Variants in TNS3 observed in about 807,000 individuals in gnomAD.
TNS3 encodes tensin 3.
Under a neutral mutation model 140.9 loss-of-function variants are expected in TNS3, and 45 were observed. That is an observed-to-expected ratio of 0.32 (90% CI 0.25 to 0.41). The LOEUF (loss-of-function observed/expected upper bound fraction) is 0.41, where lower values mean the gene tolerates loss of function less well. Among genes scored for constraint, TNS3 ranks in the 10% least tolerant of loss-of-function variants. TNS3 has a pLI of 1.00. For missense variants in TNS3, 1,716 were observed against 1,906.7 expected (o/e 0.90, Z 1.86); for synonymous variants, 815 against 788.4 (o/e 1.03, Z -0.56).
rs547064609 is a variant in TNS3, at chr7:47,308,277, T to C, written c.2651-3274A>G. Among the ~76,000 whole-genome samples, 13 of 152,344 alleles carry C rather than the reference T, an allele frequency of 8.5e-5. 1 individual carries two copies. The South Asian group carries it at 2.7e-3, about 32-fold the overall frequency. ...AAATGTTAAATCCATCTAGGTTATT[T>C]TTCATTTCAGACACTGGAGTTTCTC... On this transcript the variant is annotated intron_variant, in intron 20 of 30. Transcript: ENST00000311160.
At chr7:47,397,520 T>C (rs1406422629) in intron 15 of TNS3, among the ~76,000 whole-genome samples, 1 of 152,210 alleles carries the variant, frequency 6.6e-6, no homozygotes, top group African/African-American at 2.4e-5. Context: ...GGGAAAAAAA[T>C]TGTTTCGCAC....
intron 28 of TNS3, among the ~76,000 whole-genome samples, chr7:47,282,905 G>A (rs1785222053): frequency 6.6e-6 from 1 of 152,130 alleles, no homozygotes; most frequent in African/African-American, 2.4e-5. Flanking sequence ...CTAGGGACAT[G>A]GGCACCACAG....
At chr7:47,284,827 C>A (rs967961380) in intron 27 of TNS3, among the ~76,000 whole-genome samples, 4 of 152,258 alleles carry the variant, frequency 2.6e-5, no homozygotes, top group Admixed American at 6.5e-5. Context: ...CAGTCTACAG[C>A]AACACATCTC....
intron 17 of TNS3, among the ~76,000 whole-genome samples, chr7:47,357,676 C>T (rs963917757): frequency 6.6e-6 from 1 of 152,076 alleles, no homozygotes; most frequent in Non-Finnish European, 1.5e-5. Flanking sequence ...CCAGGCCCAC[C>T]CTCCCTCAGT....
chr7:47,303,963 C>T (rs1239575372), intron 21 of TNS3, among the ~76,000 whole-genome samples: 2 of 152,226 alleles, frequency 1.3e-5, no homozygotes, highest in Admixed American at 1.3e-4. Context: ...GAAGCCTTTT[C>T]CTAGCCCTTA....
chr7:47,370,606 C>T (rs1019762230), intron 16 of TNS3, among the ~76,000 whole-genome samples: 13 of 152,256 alleles, frequency 8.5e-5, no homozygotes, highest in Non-Finnish European at 1.8e-4. Context: ...TGGCCAATTG[C>T]CGCGACCACA....
Position 47,360,877 on chromosome 7 carries a change from G to A in TNS3, c.2281+7488C>T, listed in dbSNP as rs537850577. ...TTATAACACACAGTACGGAAATAAC[G>A]ACACCTGGACTTTTAGAAAGTACCA... is the stretch of plus-strand genomic sequence containing the variant. On this transcript the variant is annotated intron_variant, in intron 17 of 30. Transcript: ENST00000311160. Among the ~76,000 whole-genome samples, 5 of 152,162 alleles carry A rather than the reference G, an allele frequency of 3.3e-5. No individual in the cohort carries two copies. In the East Asian group the frequency reaches 9.7e-4, roughly 29 times the overall value.
chr7:47,316,067 A>G (rs1787375464), intron 20 of TNS3, among the ~76,000 whole-genome samples: 1 of 150,302 alleles, frequency 6.7e-6, no homozygotes, highest in Non-Finnish European at 1.5e-5. Context: ...TTCAGAAGTA[A>G]GTGAGACTAT....
At chr7:47,331,875 T>C (rs188487917) in intron 20 of TNS3, among the ~76,000 whole-genome samples, 370 of 152,376 alleles carry the variant, frequency 2.4e-3, no homozygotes, top group Middle Eastern at 6.8e-3. Flanking sequence ...AGGTGGTTCC[T>C]GGCCTAAGTA....
At chr7:47,504,524 T>A (rs1221624611) in intron 3 of TNS3, among the ~76,000 whole-genome samples, 1 of 152,224 alleles carries the variant, frequency 6.6e-6, no homozygotes, top group East Asian at 1.9e-4. Flanking sequence ...TTGGGTCTGA[T>A]GCCAGACCAA....
At chr7:47,392,667 G>A (rs558318389) in intron 16 of TNS3, among the ~76,000 whole-genome samples, 7 of 152,358 alleles carry the variant, frequency 4.6e-5, no homozygotes, top group Admixed American at 1.3e-4. Flanking sequence ...GCCAGGCGGC[G>A]TCCAGTCCAG....
intron 8 of TNS3, among the ~76,000 whole-genome samples, chr7:47,434,086 A>G (rs531521152): frequency 1.0e-3 from 157 of 152,262 alleles, no homozygotes; most frequent in African/African-American, 3.7e-3. Flanking sequence ...AACACTAGAG[A>G]GAAGCAAATA....
In TNS3 at chr7:47,424,042, A is replaced by G. The variant is rs1794516886; in HGVS notation, c.473+59T>C. On this transcript the variant is annotated intron_variant, in intron 10 of 30. Coordinates refer to ENST00000311160, the MANE Select transcript of TNS3 (RefSeq NM_022748.12). The stretch of plus-strand genomic sequence containing the variant: ...GAGGAGATGCCTCTTCTGTTTTCAC[A>G]TTTTTATATGTAAAATTTCATTCAC... 4 of 1,559,480 alleles carry G rather than the reference A, an allele frequency of 2.6e-6. 1 individual carries two copies. Among genetic ancestry groups the G allele is most frequent in the African/African-American group, 2.7e-5 (2 of 73,674 alleles).
At chr7:47,554,374 C>T (rs945625861) in intron 1 of TNS3, among the ~76,000 whole-genome samples, 9 of 149,822 alleles carry the variant, frequency 6.0e-5, no homozygotes, top group African/African-American at 9.9e-5. Flanking sequence ...GCTGAGATTG[C>T]GCCACTGCAC....
At chr7:47,338,033 G>C (rs1788731751) in intron 20 of TNS3, among the ~76,000 whole-genome samples, 1 of 152,184 alleles carries the variant, frequency 6.6e-6, no homozygotes, top group African/African-American at 2.4e-5. Context: ...GTTGTTGTGT[G>C]TATGAATAAT....
At chr7:47,284,845 G>A (rs533115277) in intron 27 of TNS3, among the ~76,000 whole-genome samples, 7 of 152,344 alleles carry the variant, frequency 4.6e-5, no homozygotes, top group African/African-American at 9.6e-5. Context: ...CTCAGCACTC[G>A]GATGCACGGT....
intron 1 of TNS3, among the ~76,000 whole-genome samples, chr7:47,535,143 G>A (rs1799556140): frequency 6.6e-6 from 1 of 152,152 alleles, no homozygotes; most frequent in Non-Finnish European, 1.5e-5. Context: ...TCCTCTTAGG[G>A]CCCTGCCCAG....
At chr7:47,366,899 T>C (rs557910940) in intron 17 of TNS3, among the ~76,000 whole-genome samples, 20 of 152,320 alleles carry the variant, frequency 1.3e-4, no homozygotes, top group African/African-American at 4.8e-4. Context: ...TACCAGCACA[T>C]GGTGGGAATC....
chr7:47,539,451 C>A, intron 1 of TNS3: 1 of 286,056 alleles, frequency 3.5e-6, no homozygotes, highest in Non-Finnish European at 6.8e-6. Context: ...AATCCGCATT[C>A]ATCAGCAGGC....
Sources: allele counts gnomAD v4.1 joint callset (sites outside exome capture counted in the v4.1 genomes callset), GRCh38; gene constraint gnomAD v4.1.1; transcripts MANE v1.5; gene names NCBI Gene and HGNC (gene_info 2026-07-23, HGNC 2026-07-21).